Variants in ADGRB3 observed in about 807,000 individuals in gnomAD.
ADGRB3 encodes adhesion G protein-coupled receptor B3.
ADGRB3 carries 37 observed loss-of-function variants against 193.4 expected under a neutral mutation model. The observed-to-expected ratio is 0.19, with a 90% CI of 0.15 to 0.25. The LOEUF (loss-of-function observed/expected upper bound fraction) is 0.25, where lower values mean the gene tolerates loss of function less well. ADGRB3 is among the 10% of genes least tolerant of loss of function. The pLI is 1.00. For synonymous variants in ADGRB3, 690 were observed against 644.2 expected (o/e 1.07, Z -1.08); for missense variants, 1,637 against 1,852.9 (o/e 0.88, Z 2.14).
At chr6:68,658,143 A>G (rs1444479117) in intron 3 of ADGRB3, among the ~76,000 whole-genome samples, 1 of 151,316 alleles carries the variant, frequency 6.6e-6, no homozygotes, top group Non-Finnish European at 1.5e-5. Flanking sequence ...GATAGCTGTT[A>G]TTATTACTTT....
At chr6:69,056,800 A>G (rs1303197788) in intron 15 of ADGRB3, among the ~76,000 whole-genome samples, 1 of 152,184 alleles carries the variant, frequency 6.6e-6, no homozygotes, top group Non-Finnish European at 1.5e-5. Flanking sequence ...CTGTTGGTCT[A>G]TATGTCTGTC....
At chr6:68,881,790 G>T (rs771728525) in intron 3 of ADGRB3, among the ~76,000 whole-genome samples, 1 of 152,026 alleles carries the variant, frequency 6.6e-6, no homozygotes, top group African/African-American at 2.4e-5. Flanking sequence ...AACACCCTTT[G>T]TTTCATTTAT....
intron 17 of ADGRB3, among the ~76,000 whole-genome samples, chr6:69,171,512 C>G (rs145867213): frequency 2.0e-5 from 3 of 152,110 alleles, no homozygotes; most frequent in Non-Finnish European, 4.4e-5. Flanking sequence ...ACTCAAAGTT[C>G]TAGTTGTATG....
chr6:69,061,391 A>G (rs1026590375), intron 15 of ADGRB3, among the ~76,000 whole-genome samples: 1 of 152,036 alleles, frequency 6.6e-6, no homozygotes. Context: ...AAATCTCAAA[A>G]AAAGCTAGGT....
At chr6:69,330,983 G>A (rs1254758015) in intron 23 of ADGRB3, among the ~76,000 whole-genome samples, 1 of 152,052 alleles carries the variant, frequency 6.6e-6, no homozygotes, top group Non-Finnish European at 1.5e-5. Flanking sequence ...AATATCTAAA[G>A]GAAATATATT....
intron 3 of ADGRB3, among the ~76,000 whole-genome samples, chr6:68,803,374 T>C (rs900131367): frequency 4.6e-5 from 7 of 152,066 alleles, no homozygotes; most frequent in Non-Finnish European, 8.8e-5. Context: ...TTTTCAACCC[T>C]CCAATCCTAC....
chr6:68,657,352 T>C (rs1768513697), intron 3 of ADGRB3, among the ~76,000 whole-genome samples: 1 of 151,622 alleles, frequency 6.6e-6, no homozygotes, highest in East Asian at 1.9e-4. Flanking sequence ...TGCCATGTCA[T>C]GTAACTAAGA....
intron 17 of ADGRB3, among the ~76,000 whole-genome samples, chr6:69,079,764 A>T (rs1330832973): frequency 6.6e-6 from 1 of 151,936 alleles, no homozygotes; most frequent in African/African-American, 2.4e-5. Flanking sequence ...AAAACCTATA[A>T]TCCCTCCCTT....
At chr6:69,047,843 T>C (rs1320109244) in intron 13 of ADGRB3, among the ~76,000 whole-genome samples, 1 of 152,178 alleles carries the variant, frequency 6.6e-6, no homozygotes, top group African/African-American at 2.4e-5. Flanking sequence ...ATCAGAATGT[T>C]TTTAAAAAAT....
At chr6:68,739,272 G>A (rs899634815) in intron 3 of ADGRB3, among the ~76,000 whole-genome samples, 1 of 152,144 alleles carries the variant, frequency 6.6e-6, no homozygotes, top group Non-Finnish European at 1.5e-5. Flanking sequence ...TAGGAATTTT[G>A]TTGGAAAAAA....
intron 20 of ADGRB3, among the ~76,000 whole-genome samples, chr6:69,257,381 G>T (rs576921897): frequency 7.6e-4 from 115 of 152,236 alleles, no homozygotes; most frequent in South Asian, 3.9e-3. Context: ...CAATTTCAGA[G>T]CCTGTTATTG....
chr6:68,905,601 A>G (rs17476005), intron 3 of ADGRB3, among the ~76,000 whole-genome samples: 486 of 152,202 alleles, frequency 3.2e-3, no homozygotes, highest in Middle Eastern at 6.8e-3. Context: ...CCTGTGTCCT[A>G]CTTCAAAGCT....
At chr6:68,773,027 G>A (rs1420466188) in intron 3 of ADGRB3, among the ~76,000 whole-genome samples, 1 of 149,216 alleles carries the variant, frequency 6.7e-6, no homozygotes, top group Non-Finnish European at 1.5e-5. Flanking sequence ...GAGGTGGGAG[G>A]ATCACCTGAG....
chr6:69,144,955 C>T (rs1452138102), intron 17 of ADGRB3, among the ~76,000 whole-genome samples: 3 of 132,286 alleles, frequency 2.3e-5, no homozygotes, highest in South Asian at 2.3e-4. Flanking sequence ...GTTTTGCTAT[C>T]GGGGTAATCT....
chr6:69,142,606 G>T lies in ADGRB3; in HGVS notation c.2480+66568G>T, dbSNP rs1774370076. On this transcript the variant is annotated intron_variant, in intron 17 of 31. Coordinates refer to ENST00000370598, the MANE Select transcript of ADGRB3 (RefSeq NM_001704.3). ...CAAGCCTATCGCTGAGGATGAAAAAGATTGCTCAAAGCATATACCATATTG... is the reference window on the plus strand; with the variant it reads ...CAAGCCTATCGCTGAGGATGAAAAATATTGCTCAAAGCATATACCATATTG... Among the ~76,000 whole-genome samples, 3 of 152,176 alleles carry T rather than the reference G, an allele frequency of 2.0e-5. No homozygotes were observed. The South Asian group carries it at 6.2e-4, about 31-fold the overall frequency.
intron 20 of ADGRB3, among the ~76,000 whole-genome samples, chr6:69,321,113 A>G (rs1442798515): frequency 6.6e-6 from 1 of 151,662 alleles, no homozygotes; most frequent in East Asian, 1.9e-4. Flanking sequence ...TTTGTTTTCA[A>G]GGAATTTCTC....
intron 4 of ADGRB3, among the ~76,000 whole-genome samples, chr6:68,936,270 A>C (rs1308546747): frequency 2.0e-5 from 3 of 152,208 alleles, no homozygotes; most frequent in Non-Finnish European, 4.4e-5. Flanking sequence ...CATAGTGTCC[A>C]TGGTACAGTG....
intron 10 of ADGRB3, among the ~76,000 whole-genome samples, chr6:68,981,441 A>C (rs1265946079): frequency 6.6e-6 from 1 of 151,720 alleles, no homozygotes; most frequent in East Asian, 1.9e-4. Context: ...TAAGCAATTC[A>C]TATGTCAGAG....
chr6:69,106,336 G>A (rs911425331), intron 17 of ADGRB3, among the ~76,000 whole-genome samples: 1 of 152,038 alleles, frequency 6.6e-6, no homozygotes, highest in African/African-American at 2.4e-5. Context: ...CCAGGCATAT[G>A]CTTGTAAAGG....
Sources: allele counts gnomAD v4.1 joint callset (sites outside exome capture counted in the v4.1 genomes callset), GRCh38; gene constraint gnomAD v4.1.1; transcripts MANE v1.5; gene names NCBI Gene and HGNC (gene_info 2026-07-23, HGNC 2026-07-21).